ZNF83: variants seen among roughly 807,000 people sequenced by gnomAD.
The protein encoded by ZNF83 is zinc finger protein 83.
For missense variants in ZNF83, 552 were observed against 629.9 expected (o/e 0.88, Z 1.32); for synonymous variants, 209 against 213.0 (o/e 0.98, Z 0.17).
rs1480598981 is a variant in ZNF83, at chr19:52,635,057, T to C, written c.-234+9A>G. ...GAGACAGAACAATCCACCGAGAATA[T>C]CATCTCACCTGAGGAAGAACCATTC... On this transcript the variant is annotated intron_variant, in intron 2 of 2. Coordinates refer to ENST00000301096, the Ensembl canonical transcript of ZNF83. 4 of 737,054 alleles carry C rather than the reference T, an allele frequency of 5.4e-6. No individual in the cohort carries two copies. The highest frequency in any genetic ancestry group is 4.8e-4 in the Middle Eastern group (2 of 4,206). 45.7% of individuals were successfully genotyped at this position (737,054 alleles called of 1,614,324 possible).
chr19:52,651,156 C>T (rs142591498), intron 3 of ZNF83: 2 of 152,290 alleles, frequency 1.3e-5, no homozygotes, highest in Admixed American at 1.3e-4. Flanking sequence ...CTGTTCAAAC[C>T]ACTCATCCTG....
rs1483861790 is a variant in ZNF83, at chr19:52,631,124, G to T, written c.-234+3942C>A. Among the ~76,000 whole-genome samples the T allele has an allele frequency of 1.4e-5, 2 of 142,200 alleles. 1 individual carries two copies. The highest frequency in any genetic ancestry group is 3.1e-5 in the Non-Finnish European group (2 of 64,254). 93.3% of individuals were successfully genotyped at this position (142,200 alleles called of 152,430 possible). A position where few individuals can be genotyped will look rare whatever the true frequency, so the allele number is the denominator to read the frequency against. On this transcript the variant is annotated intron_variant, in intron 2 of 2. Coordinates refer to ENST00000301096, the Ensembl canonical transcript of ZNF83. Reference sequence around the variant, plus strand: ...CCATTAGGCTCAGCAAATTACCTGGGGCTGTACTGCCGCAAGGCTTCACAG... The same window carrying T: ...CCATTAGGCTCAGCAAATTACCTGGTGCTGTACTGCCGCAAGGCTTCACAG...
intron 1 of ZNF83, among the ~76,000 whole-genome samples, chr19:52,665,708 A>T (rs2061640574): frequency 6.6e-6 from 1 of 152,140 alleles, no homozygotes; most frequent in African/African-American, 2.4e-5. Flanking sequence ...TAAATTAGCC[A>T]ATCGGAATTA....
upstream of ZNF83, among the ~76,000 whole-genome samples, chr19:52,639,463 G>T (rs970228982): frequency 1.4e-5 from 1 of 73,786 alleles, no homozygotes; most frequent in African/African-American, 5.6e-5. Flanking sequence ...TTTTGGCCAG[G>T]CTGGAATGCG....
intron 2 of ZNF83, chr19:52,619,169 G>T: frequency 6.2e-7 from 1 of 1,608,162 alleles, no homozygotes; most frequent in South Asian, 1.1e-5. Context: ...TGAATGTTCT[G>T]ACAAATCTGA....
In ZNF83 at chr19:52,614,493, A is replaced by C; in HGVS notation, c.72T>G (p.His24Gln). 6.2e-7 allele frequency: 1 copy of C among 1,609,740 alleles called. No individual in the cohort carries two copies. The highest frequency in any genetic ancestry group is 1.7e-4 in the Middle Eastern group (1 of 6,048). Residue 24 changes from histidine (H) to glutamine (Q), a missense_variant, in exon 3 of 3, where the codon CAT becomes CAG. Coordinates refer to ENST00000301096, the Ensembl canonical transcript of ZNF83. ...CTTGAAATAGCTGCAGTTCTGGTAGATGTGACTGCGGGTTTAATCCAAGCT... is the reference window on the plus strand; with the variant it reads ...CTTGAAATAGCTGCAGTTCTGGTAGCTGTGACTGCGGGTTTAATCCAAGCT...
rs377143054 is a variant in ZNF83, at chr19:52,630,983, G to A, written c.-234+4083C>T. Reference sequence around the variant, plus strand: ...AAACCCATATACTCTCCTATCCTCAGTACCTGCCTCTACTACCCATTATTC... The same window carrying A: ...AAACCCATATACTCTCCTATCCTCAATACCTGCCTCTACTACCCATTATTC... On this transcript the variant is annotated intron_variant, in intron 2 of 2. Coordinates refer to ENST00000301096, the Ensembl canonical transcript of ZNF83. Among the ~76,000 whole-genome samples the A allele has an allele frequency of 3.3e-3, 481 of 147,534 alleles. 4 individuals carry two copies. Among genetic ancestry groups the A allele is most frequent in the East Asian group, 0.012 (57 of 4,902 alleles).
upstream of ZNF83, among the ~76,000 whole-genome samples, chr19:52,641,400 T>A (rs16984039): frequency 1.1e-4 from 16 of 152,340 alleles, no homozygotes; most frequent in African/African-American, 3.1e-4. Flanking sequence ...ATTTGCAGCT[T>A]TAAATTGGCT....
At chr19:52,681,718 TC>T (rs2061924583) in intron 1 of ZNF83, among the ~76,000 whole-genome samples, 1 of 152,178 alleles carries the variant, frequency 6.6e-6, no homozygotes, top group African/African-American at 2.4e-5. Flanking sequence ...AGATACAGCT[TC>T]AAAACTAAAC....
chr19:52,640,316 C>G (rs1222234986), upstream of ZNF83, among the ~76,000 whole-genome samples: 1 of 152,074 alleles, frequency 6.6e-6, no homozygotes, highest in Non-Finnish European at 1.5e-5. Flanking sequence ...AAAGTAGAGA[C>G]GTTAAGGTTT....
chr19:52,685,190 C>A (rs1054721881), intron 1 of ZNF83, among the ~76,000 whole-genome samples: 11 of 152,244 alleles, frequency 7.2e-5, no homozygotes, highest in Admixed American at 2.6e-4. Context: ...ATTTCAGGGG[C>A]CAGGGTCACT....
chr19:52,666,618 CAA>C (rs59937542), intron 1 of ZNF83, among the ~76,000 whole-genome samples: 52,395 of 105,384 alleles, frequency 0.5, 11,241 homozygotes, highest in Admixed American at 0.6. Flanking sequence ...TATCCTAAGT[CAA>C]AAAAAAAAAA....
In ZNF83 at chr19:52,625,017, C is replaced by T. The variant is rs531949857; in HGVS notation, c.-234+10049G>A. 3.3e-5 allele frequency among the ~76,000 whole-genome samples: 5 copies of T among 152,028 alleles called. No individual in the cohort carries two copies. The South Asian group carries it at 8.3e-4, about 25-fold the overall frequency. Reference sequence around the variant, plus strand: ...ACCCCCATGACTGTATCTCTCTGATCCCCCTGACATTCACTCCATTTCCCC... The same window carrying T: ...ACCCCCATGACTGTATCTCTCTGATTCCCCTGACATTCACTCCATTTCCCC... On this transcript the variant is annotated intron_variant, in intron 2 of 2. Transcript: ENST00000301096.
chr19:52,627,696 G>C (rs1286369142), intron 2 of ZNF83, among the ~76,000 whole-genome samples: 1 of 152,112 alleles, frequency 6.6e-6, no homozygotes, highest in Non-Finnish European at 1.5e-5. Context: ...TAATGTCAAG[G>C]TGATGAACTA....
chr19:52,684,840 C>T lies in ZNF83; in HGVS notation c.-283+5603G>A, dbSNP rs377153947. ...GGCAGAGGGAGTCATGAGATGAGGG[C>T]AAGCTCCCAGGAGGCTGGACACTGG... is the stretch of plus-strand genomic sequence containing the variant. On this transcript the variant is annotated intron_variant, in intron 1 of 5. Transcript: ENST00000594682. Among the ~76,000 whole-genome samples, 16 of 152,264 alleles carry T rather than the reference C, an allele frequency of 1.1e-4. No individual in the cohort carries two copies. In the East Asian group the frequency reaches 3.1e-3, roughly 29 times the overall value.
chr19:52,676,654 G>T (rs12973516), intron 1 of ZNF83, among the ~76,000 whole-genome samples: 8,928 of 129,496 alleles, frequency 0.069, 521 homozygotes, highest in Admixed American at 0.18. Context: ...GAACGGGCCA[G>T]GATGACAATG....
At chr19:52,614,289 G>C in exon 3 of ZNF83, 1 of 1,614,108 alleles carries the variant, frequency 6.2e-7, no homozygotes, top group Non-Finnish European at 8.5e-7. Context: ...TACATTTGTA[G>C]TGTTCTGTCC....
At chr19:52,685,482 TA>T (rs967647484) in intron 1 of ZNF83, among the ~76,000 whole-genome samples, 1 of 151,362 alleles carries the variant, frequency 6.6e-6, no homozygotes, top group East Asian at 1.9e-4. Flanking sequence ...AATTCTTCCT[TA>T]AAAAAAAATC....
intron 2 of ZNF83, among the ~76,000 whole-genome samples, chr19:52,656,039 A>T (rs2061499860): frequency 6.6e-6 from 1 of 151,954 alleles, no homozygotes; most frequent in Non-Finnish European, 1.5e-5. Flanking sequence ...GGTGAAACCA[A>T]GTCTCTACTG....
Sources: gnomAD v4.1 joint callset for allele counts (sites outside exome capture counted in the v4.1 genomes callset) on GRCh38, gnomAD v4.1.1 for gene constraint, MANE v1.5 for transcripts, NCBI Gene and HGNC (gene_info 2026-07-23, HGNC 2026-07-21) for gene names.